Variants in ASAP1 observed in about 807,000 individuals in gnomAD.
ASAP1 encodes arf-GAP with SH3 domain, ANK repeat and PH domain-containing protein 1.
A neutral mutation model predicts 145.2 loss-of-function variants in ASAP1; 43 were observed. The ratio of observed to expected loss-of-function variants is 0.30; its 90% CI spans 0.23 to 0.38. The LOEUF (loss-of-function observed/expected upper bound fraction) is 0.38, where lower values mean the gene tolerates loss of function less well. Among genes scored for constraint, ASAP1 ranks in the 10% least tolerant of loss-of-function variants. The probability of loss-of-function intolerance (pLI) is 1.00; values close to 1 mark genes in which losing one functional copy is unlikely to be tolerated. For missense variants in ASAP1, 1,018 were observed against 1,355.3 expected (o/e 0.75, Z 3.91); for synonymous variants, 546 against 515.5 (o/e 1.06, Z -0.80).
intron 23 of ASAP1, among the ~76,000 whole-genome samples, chr8:130,113,401 C>T (rs1157206599): frequency 6.6e-6 from 1 of 152,196 alleles, no homozygotes; most frequent in East Asian, 1.9e-4. Flanking sequence ...AACCCATCTC[C>T]AATGTCCTTG....
At chr8:130,256,386 C>T (rs1455499147) in intron 3 of ASAP1, among the ~76,000 whole-genome samples, 1 of 139,192 alleles carries the variant, frequency 7.2e-6, no homozygotes, top group East Asian at 2.1e-4. Context: ...ACGGGGAATA[C>T]ATCTGCAGAG....
rs1203930876 is a variant in ASAP1 at position 130,376,839 on chromosome 8, G to C, written c.60-18696C>G. On this transcript the variant is annotated intron_variant, in intron 2 of 29. Coordinates refer to ENST00000518721, the MANE Select transcript of ASAP1 (RefSeq NM_018482.4). ...AATCGTTTGAAGCCGGGAGGCAGAG[G>C]TTGCGGTGAGATGAGATCGCACCAT... is the stretch of plus-strand genomic sequence containing the variant. 2.1e-5 allele frequency among the ~76,000 whole-genome samples: 3 copies of C among 143,850 alleles called. No individual in the cohort carries two copies. In the South Asian group the frequency reaches 7.1e-4, roughly 34 times the overall value. 94.4% of individuals were successfully genotyped at this position (143,850 alleles called of 152,430 possible).
chr8:130,064,530 TG>T (rs1189550953), intron 27 of ASAP1, among the ~76,000 whole-genome samples: 1 of 152,108 alleles, frequency 6.6e-6, no homozygotes, highest in Non-Finnish European at 1.5e-5. Context: ...GGGGAAAACT[TG>T]CTCCTCTAAC....
intron 2 of ASAP1, among the ~76,000 whole-genome samples, chr8:130,389,646 G>A (rs1376273812): frequency 6.6e-6 from 1 of 152,128 alleles, no homozygotes; most frequent in Non-Finnish European, 1.5e-5. Context: ...AACTACCTAA[G>A]CTGGAACAAC....
At chr8:130,057,557 T>C (rs1431681795) in intron 29 of ASAP1, among the ~76,000 whole-genome samples, 5 of 152,194 alleles carry the variant, frequency 3.3e-5, no homozygotes, top group Admixed American at 1.3e-4. Flanking sequence ...CAAGCGATTC[T>C]CCTGCCTTGG....
At chr8:130,367,048 C>A (rs748043766) in intron 2 of ASAP1, among the ~76,000 whole-genome samples, 1 of 151,874 alleles carries the variant, frequency 6.6e-6, no homozygotes, top group African/African-American at 2.4e-5. Context: ...TGCGCCACCA[C>A]ACCCAGCTAA....
chr8:130,156,866 T>C (rs746012691), intron 12 of ASAP1, among the ~76,000 whole-genome samples: 38 of 152,208 alleles, frequency 2.5e-4, no homozygotes, highest in Non-Finnish European at 2.6e-4. Flanking sequence ...ATGCAACACT[T>C]AAGAAAAGAC....
At chr8:130,298,600 A>C (rs1385585864) in intron 3 of ASAP1, among the ~76,000 whole-genome samples, 1 of 152,148 alleles carries the variant, frequency 6.6e-6, no homozygotes, top group African/African-American at 2.4e-5. Flanking sequence ...TCAAACCCTA[A>C]AGGCTTTCCA....
chr8:130,371,134 T>C (rs1464293264), intron 2 of ASAP1, among the ~76,000 whole-genome samples: 1 of 152,230 alleles, frequency 6.6e-6, no homozygotes, highest in Non-Finnish European at 1.5e-5. Context: ...GACGATGATT[T>C]AGTATCTACT....
chr8:130,231,701 T>G (rs954778359), intron 4 of ASAP1, among the ~76,000 whole-genome samples: 1 of 152,204 alleles, frequency 6.6e-6, no homozygotes, highest in African/African-American at 2.4e-5. Flanking sequence ...AGATTAACAT[T>G]TTCAACCTAA....
At chr8:130,426,059 C>A (rs1829903599) in intron 1 of ASAP1, among the ~76,000 whole-genome samples, 1 of 152,144 alleles carries the variant, frequency 6.6e-6, no homozygotes, top group African/African-American at 2.4e-5. Context: ...AACTGTAATT[C>A]CCAGTGTCGG....
intron 3 of ASAP1, among the ~76,000 whole-genome samples, chr8:130,322,879 G>C (rs1824095278): frequency 6.6e-6 from 1 of 152,192 alleles, no homozygotes; most frequent in Non-Finnish European, 1.5e-5. Flanking sequence ...CCAGGCCAGG[G>C]AGACGCAGAA....
At chr8:130,227,331 C>A (rs1294793315) in intron 4 of ASAP1, among the ~76,000 whole-genome samples, 1 of 152,140 alleles carries the variant, frequency 6.6e-6, no homozygotes. Context: ...CAGCTCACTG[C>A]ACACTTGACC....
chr8:130,400,050 C>T (rs901574929), intron 2 of ASAP1, among the ~76,000 whole-genome samples: 2 of 152,092 alleles, frequency 1.3e-5, no homozygotes, highest in East Asian at 1.9e-4. Flanking sequence ...GAACTCCCAA[C>T]CTCAGGTGAT....
intron 24 of ASAP1, among the ~76,000 whole-genome samples, chr8:130,108,907 C>T (rs1374618996): frequency 1.1e-4 from 16 of 151,658 alleles, no homozygotes; most frequent in Non-Finnish European, 8.8e-5. Flanking sequence ...TCCCGAGTAG[C>T]TGGGATTACA....
chr8:130,154,070 T>C lies in ASAP1; in HGVS notation c.1011-1265A>G, dbSNP rs2097653150. ...AAAGTTAAGAAAGTAACTCAAGAAG[T>C]CTGCCATGCAAGGAGCGAGGGGTGA... On this transcript the variant is annotated intron_variant, in intron 12 of 29. Transcript: ENST00000518721. 2.0e-5 allele frequency among the ~76,000 whole-genome samples: 3 copies of C among 152,146 alleles called. 1 individual carries two copies. The South Asian group carries it at 6.3e-4, about 32-fold the overall frequency.
intron 5 of ASAP1, among the ~76,000 whole-genome samples, chr8:130,200,517 G>C (rs1815799370): frequency 6.6e-6 from 1 of 152,092 alleles, no homozygotes; most frequent in African/African-American, 2.4e-5. Flanking sequence ...GAAAACCACA[G>C]TATAAAATAG....
intron 13 of ASAP1, among the ~76,000 whole-genome samples, chr8:130,141,398 C>T (rs1391115766): frequency 6.6e-6 from 1 of 152,128 alleles, no homozygotes; most frequent in East Asian, 1.9e-4. Context: ...GAGCTCCCTG[C>T]TCACTCCCTG....
Position 130,118,231 on chromosome 8 carries a change from C to G in ASAP1, c.1810G>C (p.Ala604Pro). Residue 604 changes from alanine to proline, a missense_variant, in exon 20 of 30, where the codon GCC (alanine) becomes CCC (proline). Coordinates refer to ENST00000518721, the MANE Select transcript of ASAP1 (RefSeq NM_018482.4). ...GCAGTTCGGACGGCAAGGTGAAGGG[C>G]TGTCTCCCCAAGCTCCTAAAAAGGG... ...LEPGQELGET[A>P]LHLAVRTADQ... 6.2e-7 allele frequency: 1 copy of G among 1,613,908 alleles called. No homozygotes were observed. The highest frequency in any genetic ancestry group is 2.2e-5 in the East Asian group (1 of 44,874).
Sources: gnomAD v4.1 joint callset for allele counts (sites outside exome capture counted in the v4.1 genomes callset) on GRCh38, gnomAD v4.1.1 for gene constraint, MANE v1.5 for transcripts, NCBI Gene and HGNC (gene_info 2026-07-23, HGNC 2026-07-21) for gene names.